Variants in MYO1E observed in about 807,000 individuals in gnomAD.
MYO1E encodes the protein unconventional myosin-Ie.
MYO1E carries 68 observed loss-of-function variants against 151.1 expected under a neutral mutation model. The ratio of observed to expected loss-of-function variants is 0.45; its 90% CI spans 0.37 to 0.55. The LOEUF is 0.55. Among genes scored for constraint, MYO1E ranks in the 20% least tolerant of loss-of-function variants. The probability of loss-of-function intolerance (pLI) is 0.00; values close to 1 mark genes in which losing one functional copy is unlikely to be tolerated. For synonymous variants in MYO1E, 601 were observed against 501.7 expected, an observed-to-expected ratio of 1.20 and a Z score of -2.64; for missense variants, 1,363 against 1,389.3, an observed-to-expected ratio of 0.98 and a Z score of 0.30.
At chr15:59,317,473 G>C (rs1223463696) in intron 1 of MYO1E, among the ~76,000 whole-genome samples, 8 of 152,146 alleles carry the variant, frequency 5.3e-5, no homozygotes, top group Non-Finnish European at 1.2e-4. Flanking sequence ...AGTGATTTGG[G>C]AAGACAGCAG....
In MYO1E at chr15:59,174,252, G is replaced by C; in HGVS notation, c.2050-12C>G. 1 of 1,587,728 alleles carries C rather than the reference G, an allele frequency of 6.3e-7. No homozygotes were observed. Among genetic ancestry groups the C allele is most frequent in the Non-Finnish European group, 8.6e-7 (1 of 1,156,268 alleles). ...TCTAAAAGAAATAGCTGTGAATGGA[G>C]AGAAGACAAATGTGAGCCAAGCCCC... is the stretch of plus-strand genomic sequence containing the variant. On this transcript the variant is annotated splice_polypyrimidine_tract_variant and intron_variant, in intron 19 of 27. Coordinates refer to ENST00000288235, the MANE Select transcript of MYO1E (RefSeq NM_004998.4).
At chr15:59,272,967 G>A (rs116295819) in intron 1 of MYO1E, among the ~76,000 whole-genome samples, 474 of 152,282 alleles carry the variant, frequency 3.1e-3, no homozygotes, top group African/African-American at 0.011. Flanking sequence ...TATGTCACAC[G>A]GTCATAATTT....
At chr15:59,231,182 C>T (rs1369542947) in intron 6 of MYO1E, among the ~76,000 whole-genome samples, 1 of 152,212 alleles carries the variant, frequency 6.6e-6, no homozygotes, top group Non-Finnish European at 1.5e-5. Flanking sequence ...GGGCATAAGA[C>T]AGATGCACAA....
At chr15:59,165,544 G>C (rs538865312) in intron 22 of MYO1E, among the ~76,000 whole-genome samples, 1 of 152,326 alleles carries the variant, frequency 6.6e-6, no homozygotes, top group South Asian at 2.1e-4. Flanking sequence ...CTGACAAGCA[G>C]TGGTTTAAAC....
At chr15:59,323,117 C>T (rs1481391815) in intron 1 of MYO1E, among the ~76,000 whole-genome samples, 3 of 138,398 alleles carry the variant, frequency 2.2e-5, no homozygotes, top group Admixed American at 7.7e-5. Context: ...TGCAGTGAGC[C>T]GAGATCGCAC....
chr15:59,291,682 TAAAA>T (rs1182076268), intron 1 of MYO1E, among the ~76,000 whole-genome samples: 9 of 7,804 alleles, frequency 1.2e-3, no homozygotes, highest in African/African-American at 2.2e-3. Flanking sequence ...CTAAAAATAC[TAAAA>T]AAAAAAAAAA....
At chr15:59,218,123 G>C (rs1292253376) in intron 9 of MYO1E, 36 bp from the exon 10 acceptor site, 6 of 1,606,554 alleles carry the variant, frequency 3.7e-6, no homozygotes, top group Non-Finnish European at 5.1e-6. Flanking sequence ...CAATCTTTCA[G>C]AATTGTGACA....
At chr15:59,210,977 G>C in intron 12 of MYO1E, among the ~76,000 whole-genome samples, 1 of 151,986 alleles carries the variant, frequency 6.6e-6, no homozygotes, top group East Asian at 1.9e-4. Context: ...CGAGGTGGGC[G>C]GATCACAAGG....
intron 13 of MYO1E, among the ~76,000 whole-genome samples, chr15:59,209,780 G>T (rs191045057): frequency 7.5e-6 from 1 of 133,582 alleles, no homozygotes; most frequent in South Asian, 2.5e-4. Flanking sequence ...ATCCTATAGA[G>T]ATATTTGTTC....
chr15:59,214,817 C>T, intron 10 of MYO1E, 97 bp from the exon 11 acceptor site: 3 of 916,644 alleles, frequency 3.3e-6, no homozygotes, highest in Non-Finnish European at 5.5e-6. Context: ...ACACGGCAAA[C>T]ACTACTGCTT....
chr15:59,326,471 C>T lies in MYO1E; in HGVS notation c.3+46027G>A, dbSNP rs1237341845. On this transcript the variant is annotated intron_variant, in intron 1 of 27. Coordinates refer to ENST00000288235, the MANE Select transcript of MYO1E (RefSeq NM_004998.4). ...CTGGGAGGTGGAGGCTGCAGTGAGC[C>T]GAGACTGCGCCACTGCACTCCAGCC... 3.9e-5 allele frequency among the ~76,000 whole-genome samples: 6 copies of T among 152,086 alleles called. No individual in the cohort carries two copies. The South Asian group carries it at 6.2e-4, about 16-fold the overall frequency.
intron 1 of MYO1E, among the ~76,000 whole-genome samples, chr15:59,345,365 G>A (rs1341939807): frequency 2.0e-5 from 3 of 152,168 alleles, no homozygotes; most frequent in Non-Finnish European, 4.4e-5. Flanking sequence ...CCCTCTCTGA[G>A]CCTCAGCTTT....
chr15:59,272,269 T>A, intron 2 of MYO1E, 37 bp downstream of exon 2: 1 of 1,609,962 alleles, frequency 6.2e-7, no homozygotes, highest in South Asian at 1.1e-5. Context: ...CACTGTAATA[T>A]CACTTAGAAA....
At chr15:59,265,455 A>G (rs2038164850) in intron 2 of MYO1E, among the ~76,000 whole-genome samples, 1 of 152,204 alleles carries the variant, frequency 6.6e-6, no homozygotes, top group Non-Finnish European at 1.5e-5. Flanking sequence ...TTCACCAAGT[A>G]GATTACATAA....
At position 59,138,195 on chromosome 15, in the gene MYO1E, T is replaced by A. The variant is rs911102512; in HGVS notation, c.3250+3A>T. 6.2e-7 allele frequency: 1 copy of A among 1,614,168 alleles called. No individual in the cohort carries two copies. Among genetic ancestry groups the A allele is most frequent in the Non-Finnish European group, 8.5e-7 (1 of 1,180,004 alleles). On this transcript the variant is annotated splice_donor_region_variant and intron_variant, in intron 27 of 27. Transcript: ENST00000288235. ...TGTCCCAGCCAACCAGCCACACACTTACCTTCTTTGATAATATCAATAATG... is the reference window on the plus strand; with the variant it reads ...TGTCCCAGCCAACCAGCCACACACTAACCTTCTTTGATAATATCAATAATG...
At position 59,214,700 on chromosome 15, in the gene MYO1E, C is replaced by T; in HGVS notation, c.1128G>A (p.Glu376=). The change falls in exon 11 of 28, where the codon GAG becomes GAA. Residue 376 remains glutamate, a synonymous_variant. Coordinates refer to ENST00000288235, the MANE Select transcript of MYO1E (RefSeq NM_004998.4). ...FLVDSINKAM[E]KDHEEYNIGV... is the part of the protein sequence containing the mutation. The stretch of plus-strand genomic sequence containing the variant: ...CAATGTTGTATTCTTCATGGTCTTT[C>T]TCCATGGCTTTATTGATGGACTAGA... 6.2e-7 allele frequency: 1 copy of T among 1,613,580 alleles called. No individual in the cohort carries two copies. The highest frequency in any genetic ancestry group is 8.5e-7 in the Non-Finnish European group (1 of 1,179,490).
At chr15:59,339,484 A>T (rs1182659196) in intron 1 of MYO1E, among the ~76,000 whole-genome samples, 1 of 152,212 alleles carries the variant, frequency 6.6e-6, no homozygotes, top group Non-Finnish European at 1.5e-5. Flanking sequence ...CGATATTCAC[A>T]GTAGTCCAGC....
chr15:59,145,490 G>A (rs2079435958), intron 26 of MYO1E, among the ~76,000 whole-genome samples: 1 of 152,110 alleles, frequency 6.6e-6, no homozygotes, highest in Non-Finnish European at 1.5e-5. Flanking sequence ...GGGTTCAAGC[G>A]TTTCTCCTGC....
Position 59,137,341 on chromosome 15 carries a change from T to G in MYO1E, c.*39A>C. The G allele has an allele frequency of 6.3e-7, 1 of 1,574,886 alleles. No homozygotes were observed. Among genetic ancestry groups the G allele is most frequent in the Non-Finnish European group, 8.7e-7 (1 of 1,144,492 alleles). On this transcript the variant is annotated 3_prime_UTR_variant, in exon 28 of 28. Transcript: ENST00000288235. ...AATATCCCCTCCCCTGGTCTGTGCC[T>G]GGAGCTCCTCTGCCCCATGTGTCAG...
Sources: allele counts gnomAD v4.1 joint callset (sites outside exome capture counted in the v4.1 genomes callset), GRCh38; gene constraint gnomAD v4.1.1; transcripts MANE v1.5; gene names NCBI Gene and HGNC (gene_info 2026-07-23, HGNC 2026-07-21).